Variants in HS6ST3 observed in about 807,000 individuals in gnomAD.
HS6ST3 encodes the protein heparan sulfate 6-O-sulfotransferase 3.
In HS6ST3, 12 loss-of-function variants were observed where a neutral mutation model predicts 36.7. The ratio of observed to expected loss-of-function variants is 0.33; its 90% CI spans 0.21 to 0.53. The LOEUF is 0.53. HS6ST3 is among the 20% of genes least tolerant of loss of function. The pLI, the probability that HS6ST3 is intolerant of heterozygous loss-of-function variation, is 0.95. For missense variants in HS6ST3, 584 were observed against 640.9 expected, an observed-to-expected ratio of 0.91 and a Z score of 0.96; for synonymous variants, 240 against 257.5, an observed-to-expected ratio of 0.93 and a Z score of 0.65.
intron 1 of HS6ST3, among the ~76,000 whole-genome samples, chr13:96,624,357 A>T (rs1467009846): frequency 6.6e-6 from 1 of 152,188 alleles, no homozygotes; most frequent in Non-Finnish European, 1.5e-5. Context: ...ATACATATGT[A>T]ACCATAAACC....
chr13:96,485,214 A>G (rs182561291), intron 1 of HS6ST3, among the ~76,000 whole-genome samples: 4 of 152,288 alleles, frequency 2.6e-5, no homozygotes, highest in African/African-American at 7.2e-5. Flanking sequence ...CTTCCTATCC[A>G]TGAACATGGA....
chr13:96,631,700 T>C (rs1004366100), intron 1 of HS6ST3, among the ~76,000 whole-genome samples: 3 of 152,228 alleles, frequency 2.0e-5, no homozygotes, highest in Non-Finnish European at 4.4e-5. Flanking sequence ...TCATATTTCT[T>C]AACAACTCAA....
At chr13:96,360,102 G>A (rs372883843) in intron 1 of HS6ST3, among the ~76,000 whole-genome samples, 2 of 152,118 alleles carry the variant, frequency 1.3e-5, no homozygotes, top group African/African-American at 4.8e-5. Flanking sequence ...AGCTTGGGGT[G>A]CTCCTAAGCT....
intron 1 of HS6ST3, among the ~76,000 whole-genome samples, chr13:96,286,822 G>A (rs1427236261): frequency 6.6e-6 from 1 of 151,900 alleles, no homozygotes; most frequent in East Asian, 1.9e-4. Context: ...TTTTCAGAAT[G>A]GTACAGACAC....
chr13:96,356,995 T>G (rs556977425), intron 1 of HS6ST3, among the ~76,000 whole-genome samples: 1 of 152,350 alleles, frequency 6.6e-6, no homozygotes, highest in African/African-American at 2.4e-5. Flanking sequence ...ACCTTGAACT[T>G]TTATGTTATG....
intron 1 of HS6ST3, among the ~76,000 whole-genome samples, chr13:96,580,193 CATAT>C (rs3051282): frequency 0.048 from 6,782 of 140,210 alleles, 186 homozygotes; most frequent in African/African-American, 0.078. Context: ...CCCATCCAGA[CATAT>C]ATATATATAT....
At chr13:96,305,049 C>T (rs1023832075) in intron 1 of HS6ST3, among the ~76,000 whole-genome samples, 2 of 151,950 alleles carry the variant, frequency 1.3e-5, no homozygotes, top group Non-Finnish European at 2.9e-5. Context: ...TTACATCCTT[C>T]CACATTTATT....
rs1435523689 is a variant in HS6ST3 at position 96,834,964 on chromosome 13, T to G, written c.*1766T>G. The G allele has an allele frequency of 6.6e-6, 1 of 152,480 alleles. No individual in the cohort carries two copies. The highest frequency in any genetic ancestry group is 1.5e-5 in the Non-Finnish European group (1 of 68,042). The allele number at this position is 152,480 out of a possible 1,614,324, so 9.4% of individuals were successfully genotyped here. A position where few individuals can be genotyped will look rare whatever the true frequency, so the allele number is the denominator to read the frequency against. On this transcript the variant is annotated 3_prime_UTR_variant, in exon 2 of 2. Coordinates refer to ENST00000376705, the MANE Select transcript of HS6ST3 (RefSeq NM_153456.4). ...GCTCCAGGAACTGAACGAGGCCCTT[T>G]TCATACCTTAAATATATTCTGCACA...
rs541787815 is a variant in HS6ST3, at chr13:96,520,400, T to C, written c.708-312090T>C. Among the ~76,000 whole-genome samples, 184 of 152,276 alleles carry C rather than the reference T, an allele frequency of 1.2e-3. 1 individual carries two copies. Among genetic ancestry groups the C allele is most frequent in the Admixed American group, 2.6e-3 (40 of 15,296 alleles). ...TTTCCAATTCTGTGAAGAAAGTCAG[T>C]GGTAGCTTGATGGGAATATAATTGA... is the stretch of plus-strand genomic sequence containing the variant. On this transcript the variant is annotated intron_variant, in intron 1 of 1. Transcript: ENST00000376705.
chr13:96,570,285 C>A (rs927634677), intron 1 of HS6ST3, among the ~76,000 whole-genome samples: 1 of 152,160 alleles, frequency 6.6e-6, no homozygotes, highest in Non-Finnish European at 1.5e-5. Flanking sequence ...CATACAGTTT[C>A]TTTGCTCATA....
intron 1 of HS6ST3, among the ~76,000 whole-genome samples, chr13:96,676,265 T>G (rs757828884): frequency 2.0e-5 from 3 of 151,292 alleles, no homozygotes; most frequent in Non-Finnish European, 4.4e-5. Context: ...TATCTTCACA[T>G]GGGGTCTTCT....
At chr13:96,352,521 AG>A (rs2055188721) in intron 1 of HS6ST3, among the ~76,000 whole-genome samples, 1 of 152,176 alleles carries the variant, frequency 6.6e-6, no homozygotes, top group African/African-American at 2.4e-5. Flanking sequence ...TGGAAGCAGA[AG>A]GGTCTTCTAT....
At chr13:96,370,116 A>G (rs1208348212) in intron 1 of HS6ST3, among the ~76,000 whole-genome samples, 4 of 152,148 alleles carry the variant, frequency 2.6e-5, no homozygotes, top group Non-Finnish European at 5.9e-5. Context: ...ACAAAAGAGA[A>G]TAAACAAACC....
chr13:96,273,929 C>T (rs2054733954), intron 1 of HS6ST3, among the ~76,000 whole-genome samples: 1 of 44,126 alleles, frequency 2.3e-5, no homozygotes, highest in Non-Finnish European at 4.6e-5. Context: ...TCCTTCTTCC[C>T]TCCCTCCCTC....
At chr13:96,621,480 C>T (rs9516727) in intron 1 of HS6ST3, among the ~76,000 whole-genome samples, 14,714 of 152,174 alleles carry the variant, frequency 0.097, 772 homozygotes, top group Admixed American at 0.17. Context: ...GCCTCCCAGC[C>T]ATGTGGAACT....
intron 1 of HS6ST3, among the ~76,000 whole-genome samples, chr13:96,693,301 T>C (rs1796761): frequency 0.98 from 149,743 of 152,066 alleles, 73,765 homozygotes; most frequent in Middle Eastern, 1. Context: ...TTGGCCAGAT[T>C]ATTATTATTA....
intron 1 of HS6ST3, among the ~76,000 whole-genome samples, chr13:96,540,040 G>C (rs1365978992): frequency 1.3e-5 from 2 of 152,218 alleles, no homozygotes; most frequent in Non-Finnish European, 2.9e-5. Context: ...CCTGACAAGT[G>C]GATAGTGGCT....
At chr13:96,413,254 TTAGA>T (rs773508779) in intron 1 of HS6ST3, among the ~76,000 whole-genome samples, 4 of 152,332 alleles carry the variant, frequency 2.6e-5, no homozygotes, top group Admixed American at 6.5e-5. Flanking sequence ...TATTTATTGA[TTAGA>T]TAGATTGTTT....
At chr13:96,474,139 C>T (rs2055852050) in intron 1 of HS6ST3, among the ~76,000 whole-genome samples, 1 of 152,128 alleles carries the variant, frequency 6.6e-6, no homozygotes, top group Non-Finnish European at 1.5e-5. Flanking sequence ...AATGAATCCT[C>T]TTCATTTTAT....
Sources: gnomAD v4.1 joint callset for allele counts (sites outside exome capture counted in the v4.1 genomes callset) on GRCh38, gnomAD v4.1.1 for gene constraint, MANE v1.5 for transcripts, NCBI Gene and HGNC (gene_info 2026-07-23, HGNC 2026-07-21) for gene names.